The following AFG2A variants were observed in gnomAD, a reference collection of about 807,000 sequenced individuals.
The protein encoded by AFG2A is ATPase family gene 2 protein homolog A.
the AFG2A span, among the ~76,000 whole-genome samples, chr4:123,311,489 T>A: frequency 2.0e-5 from 3 of 151,678 alleles, no homozygotes; most frequent in Non-Finnish European, 4.4e-5. Flanking sequence ...TAGCCAGGCG[T>A]GGTGGCACGC....
chr4:123,195,825 C>T, the AFG2A span, among the ~76,000 whole-genome samples: 2 of 152,130 alleles, frequency 1.3e-5, no homozygotes, highest in African/African-American at 2.4e-5. Flanking sequence ...ACCAATACCC[C>T]TTCCCAACCT....
the AFG2A span, among the ~76,000 whole-genome samples, chr4:123,280,811 GTAACA>G: frequency 6.6e-6 from 1 of 152,080 alleles, no homozygotes; most frequent in Non-Finnish European, 1.5e-5. Context: ...CCCTTGACAT[GTAACA>G]TAACATATTC....
the AFG2A span, among the ~76,000 whole-genome samples, chr4:123,309,172 A>T: frequency 6.6e-6 from 1 of 152,244 alleles, no homozygotes; most frequent in Non-Finnish European, 1.5e-5. Flanking sequence ...GGAGGGGAAG[A>T]GTTCTATGGG....
chr4:123,080,978 A>G, the AFG2A span, among the ~76,000 whole-genome samples: 1 of 151,934 alleles, frequency 6.6e-6, no homozygotes, highest in African/African-American at 2.4e-5. Flanking sequence ...GGTTCACACC[A>G]ACATTGAGTG....
chr4:122,951,841 C>G, the AFG2A span, among the ~76,000 whole-genome samples: 1 of 152,190 alleles, frequency 6.6e-6, no homozygotes, highest in South Asian at 2.1e-4. Context: ...AGACATTGGG[C>G]CCTGTCTATC....
At chr4:122,978,262 A>G in the AFG2A span, among the ~76,000 whole-genome samples, 8 of 151,312 alleles carry the variant, frequency 5.3e-5, no homozygotes, top group African/African-American at 1.9e-4. Flanking sequence ...ACGAGTGTCT[A>G]CTTCTCAGCG....
the AFG2A span, among the ~76,000 whole-genome samples, chr4:123,034,445 C>T: frequency 6.6e-6 from 1 of 151,772 alleles, no homozygotes. Flanking sequence ...CTGACTAGTA[C>T]TCCTCAAAAC....
chr4:123,294,623 G>A, the AFG2A span, among the ~76,000 whole-genome samples: 1 of 152,238 alleles, frequency 6.6e-6, no homozygotes, highest in Non-Finnish European at 1.5e-5. Flanking sequence ...GTGTATCACT[G>A]AAACACTATA....
chr4:123,252,079 C>A, the AFG2A span, among the ~76,000 whole-genome samples: 1 of 152,078 alleles, frequency 6.6e-6, no homozygotes, highest in Non-Finnish European at 1.5e-5. Flanking sequence ...ATAGGTTTCT[C>A]CTAGATATTT....
the AFG2A span, among the ~76,000 whole-genome samples, chr4:123,197,770 AAAATAAAT>A: frequency 6.7e-6 from 1 of 149,400 alleles, no homozygotes; most frequent in African/African-American, 2.4e-5. Flanking sequence ...TCCATCTCAA[AAAATAAAT>A]AAATAAATAA....
chr4:123,149,798 C>CTTTTTT, the AFG2A span, among the ~76,000 whole-genome samples: 2 of 121,610 alleles, frequency 1.6e-5, no homozygotes, highest in Admixed American at 8.1e-5. Context: ...TAGGAAATAG[C>CTTTTTT]TTTTTTTTTT....
the AFG2A span, among the ~76,000 whole-genome samples, chr4:122,962,215 T>C: frequency 0.28 from 42,186 of 152,114 alleles, 6,276 homozygotes; most frequent in South Asian, 0.45. Context: ...GAAGCCCAGT[T>C]CCTAATAGGC....
the AFG2A span, among the ~76,000 whole-genome samples, chr4:122,954,619 C>T: frequency 6.6e-6 from 1 of 152,356 alleles, no homozygotes; most frequent in Admixed American, 6.5e-5. Flanking sequence ...TCCATTTTGT[C>T]ATCCTGTTTC....
At chr4:123,319,280 G>A in the AFG2A span, 2 of 152,280 alleles carry the variant, frequency 1.3e-5, no homozygotes, top group Non-Finnish European at 2.9e-5. Context: ...TAAAGGTATT[G>A]TACTGGTCTG....
At chr4:123,168,470 C>G in the AFG2A span, among the ~76,000 whole-genome samples, 1 of 152,002 alleles carries the variant, frequency 6.6e-6, no homozygotes, top group Non-Finnish European at 1.5e-5. Context: ...TGTTTGCAAA[C>G]CAAGAAACAT....
the AFG2A span, among the ~76,000 whole-genome samples, chr4:123,020,979 G>T: frequency 1.3e-5 from 2 of 152,154 alleles, no homozygotes; most frequent in African/African-American, 2.4e-5. Context: ...GTGTGTGACA[G>T]TGTTGACTCA....
the AFG2A span, chr4:123,316,577 G>GA: frequency 6.6e-6 from 1 of 152,146 alleles, no homozygotes; most frequent in Admixed American, 6.5e-5. Context: ...AAGGGCACAA[G>GA]AAAATAAGAG....
the AFG2A span, among the ~76,000 whole-genome samples, chr4:122,945,759 C>T: frequency 1.3e-5 from 2 of 152,214 alleles, no homozygotes; most frequent in Non-Finnish European, 2.9e-5. Context: ...GAGCTGTAGA[C>T]CGGAGCTGTT....
At chr4:122,934,691 A>T in the AFG2A span, 98 of 1,600,316 alleles carry the variant, frequency 6.1e-5, no homozygotes, top group Non-Finnish European at 7.4e-5. Flanking sequence ...GCAATTAGAG[A>T]AATAATTGAA....
Sources: gnomAD v4.1 joint callset for allele counts (sites outside exome capture counted in the v4.1 genomes callset) on GRCh38, gnomAD v4.1.1 for gene constraint, MANE v1.5 for transcripts, NCBI Gene and HGNC (gene_info 2026-07-23, HGNC 2026-07-21) for gene names.